KAZN: variants seen among roughly 807,000 people sequenced by gnomAD.
KAZN encodes kazrin.
Under a neutral mutation model 87.4 loss-of-function variants are expected in KAZN, and 40 were observed. That is an observed-to-expected ratio of 0.46 (90% CI 0.36 to 0.60). KAZN has a LOEUF of 0.60. KAZN is among the 20% of genes least tolerant of loss of function. The pLI, the probability that KAZN is intolerant of heterozygous loss-of-function variation, is 0.00. For synonymous variants in KAZN, 466 were observed against 458.3 expected, an observed-to-expected ratio of 1.02 and a Z score of -0.22; for missense variants, 898 against 1,073.9, an observed-to-expected ratio of 0.84 and a Z score of 2.29.
Position 15,068,021 on chromosome 1 carries a change from C to T in KAZN, c.1222+2268C>T, listed in dbSNP as rs907031846. ...AAGGATGATTTATTTAAGAGAACTA[C>T]GTCAAATAGCGAATGAGTTATGGGT... On this transcript the variant is annotated intron_variant, in intron 8 of 14. Transcript: ENST00000376030. 41 of 758,974 alleles carry T rather than the reference C, an allele frequency of 5.4e-5. No homozygotes were observed. In the Admixed American group the frequency reaches 1.1e-3, roughly 21 times the overall value. The allele number at this position is 758,974 out of a possible 1,614,324, so 47.0% of individuals were successfully genotyped here.
chr1:15,114,351 C>T, intron 14 of KAZN, 120 bp from the exon 15 acceptor site: 1 of 801,440 alleles, frequency 1.2e-6, no homozygotes, highest in Non-Finnish European at 2.0e-6. Context: ...GAGGAGCACA[C>T]AGAGGTTAAG....
intron 2 of KAZN, among the ~76,000 whole-genome samples, chr1:14,553,894 G>C (rs1302511055): frequency 2.0e-5 from 3 of 152,176 alleles, no homozygotes; most frequent in Admixed American, 6.5e-5. Flanking sequence ...CGTAGGTTCC[G>C]GGCATTGGTA....
chr1:14,434,441 G>T (rs1432917748), intron 2 of KAZN, among the ~76,000 whole-genome samples: 1 of 152,216 alleles, frequency 6.6e-6, no homozygotes, highest in African/African-American at 2.4e-5. Context: ...TGAGGAAGGG[G>T]AAATTTACAT....
chr1:14,368,976 C>T (rs757045806), intron 2 of KAZN, among the ~76,000 whole-genome samples: 1 of 152,098 alleles, frequency 6.6e-6, no homozygotes, highest in Non-Finnish European at 1.5e-5. Flanking sequence ...TCCGGGTCAC[C>T]TTTCTTTGGT....
rs34894690 is a variant in KAZN at position 14,801,048 on chromosome 1, C to CAA, written c.227-159623_227-159622dup. ...ATTTTATGATCGATGAACTTTATCTCAAAAAAAAAAAAAAGAAATACGTGG... is the reference window on the plus strand; with the variant it reads ...ATTTTATGATCGATGAACTTTATCTCAAAAAAAAAAAAAAAAGAAATACGTGG... On this transcript the variant is annotated intron_variant, in intron 1 of 14. Transcript: ENST00000376030. Among the ~76,000 whole-genome samples, 40 of 128,806 alleles carry CAA rather than the reference C, an allele frequency of 3.1e-4. 1 individual carries two copies. Among genetic ancestry groups the CAA allele is most frequent in the African/African-American group, 9.5e-4 (33 of 34,812 alleles). The allele number at this position is 128,806 out of a possible 152,430, so 84.5% of individuals were successfully genotyped here. A position where few individuals can be genotyped will look rare whatever the true frequency, so the allele number is the denominator to read the frequency against.
At chr1:14,266,259 G>C (rs1477597147) in intron 2 of KAZN, among the ~76,000 whole-genome samples, 2 of 152,180 alleles carry the variant, frequency 1.3e-5, no homozygotes, top group African/African-American at 4.8e-5. Flanking sequence ...CTACTGCACT[G>C]TAAAGACACA....
chr1:14,649,971 C>T (rs1407177818), intron 1 of KAZN, among the ~76,000 whole-genome samples: 2 of 149,944 alleles, frequency 1.3e-5, no homozygotes, highest in South Asian at 2.1e-4. Context: ...AATTCTACCT[C>T]ATTTAGTCTT....
chr1:14,773,703 C>T lies in KAZN; in HGVS notation c.226+174480C>T, dbSNP rs947248509. On this transcript the variant is annotated intron_variant, in intron 1 of 14. Transcript: ENST00000376030. This position sits in a 1 kb window ranked among gnomAD's most constrained non-coding sequence, Gnocchi z 5.9. The stretch of plus-strand genomic sequence containing the variant: ...CTCTATGCAGCCGGTTACCCATTGG[C>T]GTCACTTAGCCTGGCAGTGCTGCTA... 3.3e-5 allele frequency among the ~76,000 whole-genome samples: 5 copies of T among 152,206 alleles called. No homozygotes were observed. Among genetic ancestry groups the T allele is most frequent in the South Asian group, 2.1e-4 (1 of 4,826 alleles).
At chr1:14,378,611 A>G (rs1661107675) in intron 2 of KAZN, among the ~76,000 whole-genome samples, 1 of 152,186 alleles carries the variant, frequency 6.6e-6, no homozygotes, top group African/African-American at 2.4e-5. Context: ...GAGACATTGC[A>G]TTGAACTCAG....
chr1:14,520,223 C>A (rs187943238), intron 2 of KAZN, among the ~76,000 whole-genome samples: 1 of 152,214 alleles, frequency 6.6e-6, no homozygotes, highest in Admixed American at 6.5e-5. Context: ...CCCTATGATC[C>A]ATTGGGTGTG....
At chr1:15,043,856 G>A in intron 3 of KAZN, 133 bp from the exon 4 acceptor site, 2 of 857,572 alleles carry the variant, frequency 2.3e-6, no homozygotes, top group Non-Finnish European at 3.4e-6. Flanking sequence ...TGTTAGCCAG[G>A]ATGGTCTCAA....
chr1:14,617,480 A>C (rs780368181), intron 1 of KAZN, among the ~76,000 whole-genome samples: 1 of 152,242 alleles, frequency 6.6e-6, no homozygotes, highest in Non-Finnish European at 1.5e-5. Flanking sequence ...GGTTACCACA[A>C]ACCTTTGATT....
At chr1:15,014,867 A>G (rs72867899) in intron 2 of KAZN, among the ~76,000 whole-genome samples, 4,513 of 152,222 alleles carry the variant, frequency 0.03, 260 homozygotes, top group African/African-American at 0.1. Context: ...CCTGCCTGGC[A>G]CTGGCCCAGT....
chr1:14,658,720 A>G (rs142667477), intron 1 of KAZN, among the ~76,000 whole-genome samples: 22 of 152,222 alleles, frequency 1.4e-4, no homozygotes, highest in African/African-American at 5.3e-4. Flanking sequence ...CACTTAGGCT[A>G]GTGTCCACTG....
chr1:15,100,265 G>A (rs896252783), intron 10 of KAZN, among the ~76,000 whole-genome samples: 22 of 152,276 alleles, frequency 1.4e-4, no homozygotes, highest in African/African-American at 5.1e-4. Context: ...GGTGGTCACG[G>A]GATGCTGAAT....
chr1:14,789,822 G>A (rs1336700171), intron 1 of KAZN, among the ~76,000 whole-genome samples: 2 of 137,138 alleles, frequency 1.5e-5, no homozygotes, highest in African/African-American at 5.5e-5. Flanking sequence ...ACAGTATCTG[G>A]CACACAGTTA....
intron 1 of KAZN, among the ~76,000 whole-genome samples, chr1:13,988,468 T>A (rs1397578155): frequency 6.6e-6 from 1 of 152,132 alleles, no homozygotes; most frequent in African/African-American, 2.4e-5. Context: ...TATGATTTCA[T>A]CCATCTCAAG....
intron 2 of KAZN, among the ~76,000 whole-genome samples, chr1:14,185,417 A>G (rs1646282895): frequency 6.6e-6 from 1 of 152,208 alleles, no homozygotes; most frequent in East Asian, 1.9e-4. Context: ...CCCTTCACTA[A>G]AAAGCTACAA....
intron 1 of KAZN, among the ~76,000 whole-genome samples, chr1:14,958,904 G>A (rs1377789970): frequency 6.6e-6 from 1 of 152,200 alleles, no homozygotes; most frequent in Admixed American, 6.5e-5. Flanking sequence ...AGGCTGGTGA[G>A]TGCGGCGCCT....
Sources: gnomAD v4.1 joint callset for allele counts (sites outside exome capture counted in the v4.1 genomes callset) on GRCh38, gnomAD v4.1.1 for gene constraint, Gnocchi (gnomAD v3.1) non-coding constraint, MANE v1.5 for transcripts, NCBI Gene and HGNC (gene_info 2026-07-23, HGNC 2026-07-21) for gene names.